Variants in ADGRB1 observed in about 807,000 individuals in gnomAD.
The protein encoded by ADGRB1 is adhesion G protein-coupled receptor B1.
ADGRB1 carries 36 observed loss-of-function variants against 175.7 expected under a neutral mutation model. The ratio of observed to expected loss-of-function variants is 0.20; its 90% confidence interval spans 0.16 to 0.27. ADGRB1 has a LOEUF of 0.27. ADGRB1 is among the 10% of genes least tolerant of loss of function. ADGRB1 has a pLI of 1.00. For missense variants in ADGRB1, 1,731 were observed against 2,255.3 expected (o/e 0.77, Z 4.71); for synonymous variants, 1,054 against 979.4 (o/e 1.08, Z -1.42).
intron 2 of ADGRB1, among the ~76,000 whole-genome samples, chr8:142,473,590 G>A (rs1840777950): frequency 6.6e-6 from 1 of 152,244 alleles, no homozygotes; most frequent in Non-Finnish European, 1.5e-5. Flanking sequence ...AGGCCGTGCT[G>A]AGTCCCCCAC....
At chr8:142,523,789 GA>G (rs1381580681) in intron 22 of ADGRB1, among the ~76,000 whole-genome samples, 16 of 131,376 alleles carry the variant, frequency 1.2e-4, no homozygotes, top group Non-Finnish European at 4.9e-5. Context: ...GGGGGGTGGG[GA>G]GGGGGCAGGA....
intron 17 of ADGRB1, among the ~76,000 whole-genome samples, chr8:142,508,592 C>T (rs531852500): frequency 1.7e-4 from 26 of 152,318 alleles, no homozygotes; most frequent in Admixed American, 9.8e-4. Context: ...TATGACTTTT[C>T]GGCCATCCTG....
In ADGRB1 at chr8:142,515,325, C is replaced by G. The variant is rs191607937; in HGVS notation, c.2818-2813C>G. The stretch of plus-strand genomic sequence containing the variant: ...GAGTTGAGGCCGGTCTTGGTCTACC[C>G]CTCCTAGTGAGGCCTGCCCAGGCCA... On this transcript the variant is annotated intron_variant, in intron 18 of 30. Transcript: ENST00000517894. Among the ~76,000 whole-genome samples, 513 of 152,340 alleles carry G rather than the reference C, an allele frequency of 3.4e-3. 4 individuals carry two copies. Among genetic ancestry groups the G allele is most frequent in the African/African-American group, 0.012 (488 of 41,578 alleles).
rs1454887288 is a variant in ADGRB1, at chr8:142,489,892, G to A, written c.2631+454G>A. ...GAGCGTCCCCCCAGAACTCCCTGGCGGGAAGCCCCAGCCTCCAGGCCACGG... is the reference window on the plus strand; with the variant it reads ...GAGCGTCCCCCCAGAACTCCCTGGCAGGAAGCCCCAGCCTCCAGGCCACGG... On this transcript the variant is annotated intron_variant, in intron 16 of 30. Transcript: ENST00000517894. 3.9e-5 allele frequency among the ~76,000 whole-genome samples: 6 copies of A among 152,304 alleles called. No homozygotes were observed. The East Asian group carries it at 7.7e-4, about 20-fold the overall frequency.
intron 17 of ADGRB1, among the ~76,000 whole-genome samples, chr8:142,505,503 G>A (rs113884499): frequency 1.3e-5 from 2 of 152,242 alleles, no homozygotes; most frequent in East Asian, 1.9e-4. Context: ...GGCTGAGGGC[G>A]ACGTGAGGTG....
intron 18 of ADGRB1, among the ~76,000 whole-genome samples, chr8:142,515,376 G>T (rs577647929): frequency 6.6e-6 from 1 of 152,216 alleles, no homozygotes; most frequent in Non-Finnish European, 1.5e-5. Context: ...TCATCGCCTG[G>T]AACCTGCTGA....
intron 24 of ADGRB1, among the ~76,000 whole-genome samples, chr8:142,531,835 G>C (rs1352981531): frequency 6.6e-6 from 1 of 152,206 alleles, no homozygotes; most frequent in Non-Finnish European, 1.5e-5. Context: ...AGAGAGTCCA[G>C]GAGGCAGGCA....
At chr8:142,497,760 G>T (rs888910118) in intron 17 of ADGRB1, among the ~76,000 whole-genome samples, 2 of 152,360 alleles carry the variant, frequency 1.3e-5, no homozygotes, top group East Asian at 3.9e-4. Flanking sequence ...CTCTTGGTTG[G>T]TCCTTGGGTA....
At chr8:142,536,864 C>T in intron 25 of ADGRB1, 123 bp from the exon 26 acceptor site, 1 of 743,046 alleles carries the variant, frequency 1.3e-6, no homozygotes, top group Non-Finnish European at 2.1e-6. Context: ...GGGAGGCCTC[C>T]TGCTGACCAG....
chr8:142,517,665 T>A (rs1587393628), intron 18 of ADGRB1, among the ~76,000 whole-genome samples: 1 of 151,986 alleles, frequency 6.6e-6, no homozygotes, highest in East Asian at 1.9e-4. Flanking sequence ...GTGTGGGGTG[T>A]CAGGGCCTGG....
At chr8:142,471,194 C>A (rs1451735349) in intron 2 of ADGRB1, among the ~76,000 whole-genome samples, 2 of 152,130 alleles carry the variant, frequency 1.3e-5, no homozygotes, top group African/African-American at 4.8e-5. Context: ...CAGACAACAC[C>A]CATTTCAGAT....
intron 1 of ADGRB1, among the ~76,000 whole-genome samples, chr8:142,451,918 G>T (rs1270368311): frequency 6.6e-6 from 1 of 152,176 alleles, no homozygotes; most frequent in African/African-American, 2.4e-5. Context: ...GCGCCCGCAC[G>T]CCGGGGTGCC....
At chr8:142,482,783 C>G (rs1020629488) in intron 11 of ADGRB1, among the ~76,000 whole-genome samples, 1 of 147,526 alleles carries the variant, frequency 6.8e-6, no homozygotes, top group Non-Finnish European at 1.5e-5. Flanking sequence ...ATCCTGGTCA[C>G]ACGCTGAGCT....
At chr8:142,506,123 G>C (rs1329883554) in intron 17 of ADGRB1, among the ~76,000 whole-genome samples, 1 of 152,234 alleles carries the variant, frequency 6.6e-6, no homozygotes, top group Middle Eastern at 3.2e-3. Flanking sequence ...CCCCGAGGTG[G>C]AGTAAACAGA....
At chr8:142,498,150 C>G (rs1842310946) in intron 17 of ADGRB1, among the ~76,000 whole-genome samples, 1 of 152,162 alleles carries the variant, frequency 6.6e-6, no homozygotes, top group African/African-American at 2.4e-5. Flanking sequence ...TGCCCACTGC[C>G]CTGCCCCCCT....
In ADGRB1 at chr8:142,481,292, A is replaced by G; in HGVS notation, c.1867A>G (p.Ile623Val). 6.2e-7 allele frequency: 1 copy of G among 1,613,822 alleles called. No individual in the cohort carries two copies. The highest frequency in any genetic ancestry group is 8.5e-7 in the Non-Finnish European group (1 of 1,179,862). Residue 623 changes from isoleucine (I) to valine (V), a missense_variant, in exon 10 of 31, where the codon ATC (isoleucine) becomes GTC (valine). This residue lies in a region of ADGRB1 where 388 missense variants were observed against 630.9 expected (regional missense o/e 0.61). Transcript: ENST00000517894. ...LRRCELDEEG[I>V]AYWEPPTYIR... ...ACGGTGTGAGCTGGACGAGGAAGGC[A>G]TCGCCTACTGGGAGCCCCCCACCTA...
intron 1 of ADGRB1, among the ~76,000 whole-genome samples, chr8:142,459,585 C>G (rs529705759): frequency 6.6e-6 from 1 of 152,344 alleles, no homozygotes; most frequent in South Asian, 2.1e-4. Context: ...AAGTACAGCA[C>G]GAAGCCCAGG....
At chr8:142,483,859 T>G (rs1471918151) in intron 11 of ADGRB1, 118 bp from the exon 12 acceptor site, 1 of 1,065,598 alleles carries the variant, frequency 9.4e-7, no homozygotes, top group African/African-American at 1.6e-5. Flanking sequence ...TGAGCCCTGA[T>G]CCTGGTCACA....
At chr8:142,506,329 C>G (rs909886453) in intron 17 of ADGRB1, among the ~76,000 whole-genome samples, 1 of 152,142 alleles carries the variant, frequency 6.6e-6, no homozygotes, top group African/African-American at 2.4e-5. Context: ...GGTCCCAGGT[C>G]GCTCTAGGTC....
Sources: allele counts gnomAD v4.1 joint callset (sites outside exome capture counted in the v4.1 genomes callset), GRCh38; gene constraint gnomAD v4.1.1; regional missense constraint gnomAD v4.1.1; transcripts MANE v1.5; gene names NCBI Gene and HGNC (gene_info 2026-07-23, HGNC 2026-07-21).